The following APOL1 variants were observed in gnomAD, a reference collection of about 807,000 sequenced individuals.
APOL1 encodes apolipoprotein L1.
APOL1 carries 17 observed loss-of-function variants against 14.9 expected under a neutral mutation model. The observed-to-expected ratio is 1.14, with a 90% confidence interval of 0.78 to 1.71. The LOEUF (loss-of-function observed/expected upper bound fraction) is 1.71. Ranked by LOEUF, APOL1 falls within the 40% of genes most tolerant of loss-of-function variation. The probability of loss-of-function intolerance (pLI) is 0.00; values close to 1 mark genes in which losing one functional copy is unlikely to be tolerated. For synonymous variants in APOL1, 195 were observed against 184.8 expected (o/e 1.05, Z -0.45); for missense variants, 523 against 485.9 (o/e 1.08, Z -0.72).
In APOL1 at chr22:36,266,167, T is replaced by C. The variant is rs762229819; in HGVS notation, c.*134T>C. On this transcript the variant is annotated 3_prime_UTR_variant, in exon 6 of 6. Transcript: ENST00000397278. ...GTGCAATGGTGCGATCTCAGCTCAC[T>C]GCAAGCTCTGCCTCCCGTGTTCAAG... 3.2e-5 allele frequency: 32 copies of C among 988,768 alleles called. No homozygotes were observed. Among genetic ancestry groups the C allele is most frequent in the Non-Finnish European group, 4.1e-5 (28 of 687,628 alleles). 61.2% of individuals were successfully genotyped at this position (988,768 alleles called of 1,614,324 possible). A position where few individuals can be genotyped will look rare whatever the true frequency, so the allele number is the denominator to read the frequency against.
rs376675850 is a variant in APOL1 at position 36,255,017 on chromosome 22, C to T, written c.44+18C>T. ...TGCATCTGGTGAGCTTGGCTCAGAG[C>T]CCTGAGGCGGGAGGGAGGGCTCCCT... is the stretch of plus-strand genomic sequence containing the variant. On this transcript the variant is annotated intron_variant, in intron 2 of 5. Coordinates refer to ENST00000397278, the MANE Select transcript of APOL1 (RefSeq NM_003661.4). 11 of 1,609,996 alleles carry T rather than the reference C, an allele frequency of 6.8e-6. No individual in the cohort carries two copies. The African/African-American group carries it at 1.5e-4, about 22-fold the overall frequency.
intron 5 of APOL1, among the ~76,000 whole-genome samples, chr22:36,264,716 A>T (rs1243241038): frequency 3.9e-5 from 6 of 152,148 alleles, no homozygotes. Context: ...CCATTTGTAA[A>T]ATTTGTTTCT....
At chr22:36,263,670 A>T (rs996957154) in intron 5 of APOL1, among the ~76,000 whole-genome samples, 2 of 152,246 alleles carry the variant, frequency 1.3e-5, no homozygotes. Context: ...GTTGCCAACC[A>T]GGGAAGCTCA....
chr22:36,261,754 C>G (rs767899707), intron 5 of APOL1, 32 bp downstream of exon 5: 1 of 1,596,012 alleles, frequency 6.3e-7, no homozygotes, highest in East Asian at 2.3e-5. Flanking sequence ...CCATTGGGCA[C>G]TCCGGCGATG....
intron 5 of APOL1, among the ~76,000 whole-genome samples, chr22:36,262,262 T>C (rs568958810): frequency 5.3e-5 from 8 of 152,254 alleles, no homozygotes; most frequent in Admixed American, 3.3e-4. Flanking sequence ...TCTGAGGAAT[T>C]CCATAAACAC....
In APOL1 at chr22:36,266,369, G is replaced by A. The variant is rs188783876; in HGVS notation, c.*336G>A. On this transcript the variant is annotated 3_prime_UTR_variant, in exon 6 of 6. Coordinates refer to ENST00000397278, the MANE Select transcript of APOL1 (RefSeq NM_003661.4). ...CTCCCAAAGTGCTGGGATTACAGGC[G>A]TGAGCCATCGCTTTTGACCCAAATG... The A allele has an allele frequency of 1.5e-4, 62 of 413,054 alleles. No homozygotes were observed. The highest frequency in any genetic ancestry group is 8.0e-4 in the African/African-American group (39 of 48,780). 25.6% of individuals were successfully genotyped at this position (413,054 alleles called of 1,614,324 possible).
In APOL1 at chr22:36,266,518, A is replaced by T; in HGVS notation, c.*485A>T. ...GGTTAATGCAGATGGCAGTGCAGCA[A>T]GGAGAAGGCAGGAACATTGGAGCCT... is the stretch of plus-strand genomic sequence containing the variant. On this transcript the variant is annotated 3_prime_UTR_variant, in exon 6 of 6. Transcript: ENST00000397278. The T allele has an allele frequency of 2.5e-6, 1 of 400,346 alleles. No homozygotes were observed. The highest frequency in any genetic ancestry group is 4.4e-6 in the Non-Finnish European group (1 of 227,440). 24.8% of individuals were successfully genotyped at this position (400,346 alleles called of 1,614,324 possible).
At position 36,266,106 on chromosome 22, in the gene APOL1, T is replaced by G; in HGVS notation, c.*73T>G. The G allele has an allele frequency of 6.7e-7, 1 of 1,486,958 alleles. No individual in the cohort carries two copies. The highest frequency in any genetic ancestry group is 9.0e-7 in the Non-Finnish European group (1 of 1,110,290). 92.1% of individuals were successfully genotyped at this position (1,486,958 alleles called of 1,614,324 possible). ...GGACAAAATGCAAACTTTTTTTTTTTTCTGAGACAGAGTCTTGCTCTGTCG... is the reference window on the plus strand; with the variant it reads ...GGACAAAATGCAAACTTTTTTTTTTGTCTGAGACAGAGTCTTGCTCTGTCG... On this transcript the variant is annotated 3_prime_UTR_variant, in exon 6 of 6. Transcript: ENST00000397278.
intron 2 of APOL1, among the ~76,000 whole-genome samples, chr22:36,256,846 G>A (rs1266792049): frequency 6.6e-6 from 1 of 152,158 alleles, no homozygotes; most frequent in African/African-American, 2.4e-5. Context: ...TGGGAAAGTG[G>A]TACCCATCTC....
At chr22:36,264,245 C>G (rs1372415287) in intron 5 of APOL1, among the ~76,000 whole-genome samples, 1 of 152,206 alleles carries the variant, frequency 6.6e-6, no homozygotes, top group African/African-American at 2.4e-5. Context: ...GGTCTAACCC[C>G]TTTAGTCCCC....
At chr22:36,259,635 C>G (rs1319701367) in intron 4 of APOL1, 1 of 1,271,360 alleles carries the variant, frequency 7.9e-7, no homozygotes, top group Non-Finnish European at 1.0e-6. Flanking sequence ...AAAACTCTCC[C>G]CCCAAAACAA....
At chr22:36,257,816 T>C (rs2015940228) in intron 4 of APOL1, among the ~76,000 whole-genome samples, 1 of 152,068 alleles carries the variant, frequency 6.6e-6, no homozygotes, top group African/African-American at 2.4e-5. Flanking sequence ...CCCTGGGGTG[T>C]TTCCACCTGA....
In APOL1 at chr22:36,265,857, G is replaced by A. The variant is rs756230453; in HGVS notation, c.1021G>A (p.Val341Ile). The stretch of plus-strand genomic sequence containing the variant: ...AGTCAAGCTCACGGATGTGGCCCCT[G>A]TAAGCTTCTTTCTTGTGCTGGATGT... ...RGVKLTDVAP[V>I]SFFLVLDVVY... The change falls in exon 6 of 6, where the codon GTA (valine) becomes ATA (isoleucine). Residue 341 changes from valine (V) to isoleucine (I), a missense_variant. Physicochemically the swap from Val to Ile is conservative, Grantham distance 29. Coordinates refer to ENST00000397278, the MANE Select transcript of APOL1 (RefSeq NM_003661.4). The A allele has an allele frequency of 5.0e-6, 8 of 1,614,200 alleles. No homozygotes were observed. Among genetic ancestry groups the A allele is most frequent in the Non-Finnish European group, 5.9e-6 (7 of 1,180,038 alleles).
At chr22:36,264,105 G>T (rs1390231938) in intron 5 of APOL1, among the ~76,000 whole-genome samples, 1 of 152,184 alleles carries the variant, frequency 6.6e-6, no homozygotes, top group Non-Finnish European at 1.5e-5. Context: ...AGGCTCAGAA[G>T]AGCCCAGCTG....
intron 4 of APOL1, chr22:36,259,596 T>G: frequency 1.6e-6 from 2 of 1,231,208 alleles, no homozygotes; most frequent in Non-Finnish European, 2.1e-6. Context: ...CCGGAATCCT[T>G]ACGAAGGGCT....
At position 36,261,622 on chromosome 22, in the gene APOL1, A is replaced by C. The variant is rs920228875; in HGVS notation, c.214A>C (p.Ile72Leu). 1 of 1,613,800 alleles carries C rather than the reference A, an allele frequency of 6.2e-7. No individual in the cohort carries two copies. The highest frequency in any genetic ancestry group is 8.5e-7 in the Non-Finnish European group (1 of 1,179,764). Residue 72 changes from isoleucine to leucine, a missense_variant, in exon 5 of 6, where the codon ATT (isoleucine) becomes CTT (leucine). By Grantham distance (5) the Ile-to-Leu change is conservative. Transcript: ENST00000397278. ...GAGCAGTATCTTTATTGAGGATGCC[A>C]TTAAGTATTTCAAGGAAAAAGTGAG... ...PESSIFIEDA[I>L]KYFKEKVSTQ...
chr22:36,259,142 T>C (rs2015995125), intron 4 of APOL1, among the ~76,000 whole-genome samples: 1 of 152,196 alleles, frequency 6.6e-6, no homozygotes, highest in Non-Finnish European at 1.5e-5. Context: ...CCATCTGATA[T>C]GACCCCAGTT....
At position 36,253,139 on chromosome 22, in the gene APOL1, C is replaced by T; in HGVS notation, c.-100C>T. On this transcript the variant is annotated 5_prime_UTR_variant, in exon 1 of 6. Coordinates refer to ENST00000397278, the MANE Select transcript of APOL1 (RefSeq NM_003661.4). ...CTGGAGGACCTGTCTGGTTATTATA[C>T]AGACGCATAACTGGAGGTGGGATCC... 1 of 484,764 alleles carries T rather than the reference C, an allele frequency of 2.1e-6. No individual in the cohort carries two copies. The highest frequency in any genetic ancestry group is 4.1e-6 in the Non-Finnish European group (1 of 243,478). The allele number at this position is 484,764 out of a possible 1,614,324, so 30.0% of individuals were successfully genotyped here.
At chr22:36,254,097 T>C in intron 1 of APOL1, 2 of 1,366,196 alleles carry the variant, frequency 1.5e-6, no homozygotes, top group Middle Eastern at 1.8e-4. Flanking sequence ...TGCTTCAATA[T>C]TAGAGTCACA....
Sources: allele counts gnomAD v4.1 joint callset (sites outside exome capture counted in the v4.1 genomes callset), GRCh38; gene constraint gnomAD v4.1.1; transcripts MANE v1.5; gene names NCBI Gene and HGNC (gene_info 2026-07-23, HGNC 2026-07-21).